ATF6: variants seen among roughly 807,000 people sequenced by gnomAD.
ATF6 encodes activating transcription factor 6.
In ATF6, 53 loss-of-function variants were observed where a neutral mutation model predicts 83.6. That is an observed-to-expected ratio of 0.63 (90% CI 0.51 to 0.80). ATF6 has a LOEUF of 0.80. ATF6 is among the 30% of genes least tolerant of loss of function. ATF6 has a pLI of 0.00. For missense variants in ATF6, 744 were observed against 797.9 expected (o/e 0.93, Z 0.81); for synonymous variants, 288 against 285.8 (o/e 1.01, Z -0.08).
chr1:161,916,216 A>G (rs1271449014), intron 15 of ATF6, among the ~76,000 whole-genome samples: 3 of 152,194 alleles, frequency 2.0e-5, no homozygotes, highest in Non-Finnish European at 4.4e-5. Context: ...TTGACCTCTC[A>G]ACAGTATTTG....
chr1:161,912,844 C>T (rs754377644), intron 15 of ATF6, among the ~76,000 whole-genome samples: 16 of 151,930 alleles, frequency 1.1e-4, no homozygotes, highest in Non-Finnish European at 2.1e-4. Flanking sequence ...ATTACTATTG[C>T]ATTTTGTTAT....
intron 15 of ATF6, among the ~76,000 whole-genome samples, chr1:161,932,510 C>A (rs935030654): frequency 1.3e-5 from 2 of 152,102 alleles, no homozygotes; most frequent in African/African-American, 4.8e-5. Context: ...GTAAACTTGC[C>A]ATTAAAATGA....
rs75201164 is a variant in ATF6, at chr1:161,847,348, G to A, written c.1319+768G>A. Among the ~76,000 whole-genome samples the A allele has an allele frequency of 1.3e-4, 20 of 152,106 alleles. No individual in the cohort carries two copies. In the East Asian group the frequency reaches 3.5e-3, roughly 26 times the overall value. ...TCTCTTTAAGGATTTGTAGGTTGAG[G>A]GCAATCTTTCTTCCTGATTTTTACT... On this transcript the variant is annotated intron_variant, in intron 10 of 15. Coordinates refer to ENST00000367942, the MANE Select transcript of ATF6 (RefSeq NM_007348.4).
chr1:161,949,766 C>T (rs556083033), intron 15 of ATF6, among the ~76,000 whole-genome samples: 19 of 152,298 alleles, frequency 1.2e-4, no homozygotes, highest in Admixed American at 2.0e-4. Context: ...AACTCGCTCA[C>T]CCCTGAGGGA....
intron 15 of ATF6, among the ~76,000 whole-genome samples, chr1:161,913,808 C>T (rs1287586594): frequency 6.6e-6 from 1 of 152,192 alleles, no homozygotes; most frequent in Non-Finnish European, 1.5e-5. Flanking sequence ...ACCAAAGGGT[C>T]AGCTTATGCT....
At position 161,853,209 on chromosome 1, in the gene ATF6, A is replaced by G. The variant is rs769748324; in HGVS notation, c.1434-15A>G. ...ATTAATTTCTATGTTTAATTAATTAAACTATATTTTATAGGTTAAATCATG... is the reference window on the plus strand; with the variant it reads ...ATTAATTTCTATGTTTAATTAATTAGACTATATTTTATAGGTTAAATCATG... On this transcript the variant is annotated splice_polypyrimidine_tract_variant and intron_variant, in intron 11 of 15. Transcript: ENST00000367942. The G allele has an allele frequency of 6.7e-7, 1 of 1,486,194 alleles. No individual in the cohort carries two copies. The highest frequency in any genetic ancestry group is 9.3e-7 in the Non-Finnish European group (1 of 1,079,718). The allele number at this position is 1,486,194 out of a possible 1,614,324, so 92.1% of individuals were successfully genotyped here. A position where few individuals can be genotyped will look rare whatever the true frequency, so the allele number is the denominator to read the frequency against.
At chr1:161,913,917 G>T (rs929555670) in intron 15 of ATF6, among the ~76,000 whole-genome samples, 5 of 152,172 alleles carry the variant, frequency 3.3e-5, no homozygotes, top group South Asian at 4.1e-4. Flanking sequence ...GTCTTATTTT[G>T]TAACAGTGAG....
At chr1:161,925,479 A>G (rs1010981659) in intron 15 of ATF6, among the ~76,000 whole-genome samples, 1 of 152,200 alleles carries the variant, frequency 6.6e-6, no homozygotes, top group African/African-American at 2.4e-5. Context: ...CTCAATAAAC[A>G]TTCAGAGAAG....
chr1:161,823,970 A>G (rs6695284), intron 9 of ATF6, among the ~76,000 whole-genome samples: 14,702 of 152,096 alleles, frequency 0.097, 1,269 homozygotes, highest in East Asian at 0.31. Context: ...ATGTGTCTGT[A>G]TGTGTATGAT....
intron 4 of ATF6, among the ~76,000 whole-genome samples, chr1:161,785,807 A>G (rs1007462303): frequency 1.3e-5 from 2 of 152,184 alleles, no homozygotes; most frequent in Non-Finnish European, 2.9e-5. Flanking sequence ...CATCCTCATC[A>G]GCAGTATGTA....
intron 9 of ATF6, among the ~76,000 whole-genome samples, chr1:161,838,168 A>G (rs1686268965): frequency 1.3e-5 from 2 of 152,226 alleles, no homozygotes; most frequent in African/African-American, 4.8e-5. Flanking sequence ...AGTATAACAG[A>G]AAAGAGAGAT....
chr1:161,914,927 C>T (rs930336057), intron 15 of ATF6, among the ~76,000 whole-genome samples: 5 of 152,098 alleles, frequency 3.3e-5, no homozygotes, highest in African/African-American at 9.7e-5. Context: ...TAGAAAGTAC[C>T]GTTCAGTGAG....
intron 6 of ATF6, among the ~76,000 whole-genome samples, chr1:161,800,372 C>A (rs1476969759): frequency 6.6e-6 from 1 of 151,994 alleles, no homozygotes; most frequent in African/African-American, 2.4e-5. Context: ...TGCATGAAAC[C>A]AAGTTTGCAT....
chr1:161,767,306 A>G (rs547643355), intron 1 of ATF6, among the ~76,000 whole-genome samples: 1 of 152,342 alleles, frequency 6.6e-6, no homozygotes, highest in East Asian at 1.9e-4. Context: ...AGCATTCTCA[A>G]TAGCAGGAGT....
At chr1:161,928,982 T>G (rs1268235759) in intron 15 of ATF6, among the ~76,000 whole-genome samples, 1 of 152,248 alleles carries the variant, frequency 6.6e-6, no homozygotes, top group Non-Finnish European at 1.5e-5. Flanking sequence ...GAGCCTCATT[T>G]GGCATATAGT....
At chr1:161,830,300 A>T (rs1200083418) in intron 9 of ATF6, among the ~76,000 whole-genome samples, 1 of 152,210 alleles carries the variant, frequency 6.6e-6, no homozygotes, top group East Asian at 1.9e-4. Flanking sequence ...ATAAAAGAGG[A>T]CACAAACAAA....
chr1:161,792,304 G>A lies in ATF6; in HGVS notation c.665G>A (p.Ser222Asn). The change falls in exon 6 of 16, where the codon AGT becomes AAT. Residue 222 changes from serine to asparagine, a missense_variant. Physicochemically the swap from Ser to Asn is conservative, Grantham distance 46. Coordinates refer to ENST00000367942, the MANE Select transcript of ATF6 (RefSeq NM_007348.4). ...MPLAKQQPII[S>N]LQPAPTKGQT... ...TTGGCAAAGCAGCAACCAATTATCA[G>A]TTTACAACCTGCACCCACTAAAGGT... is the stretch of plus-strand genomic sequence containing the variant. 6.2e-7 allele frequency: 1 copy of A among 1,613,902 alleles called. No homozygotes were observed. Among genetic ancestry groups the A allele is most frequent in the Non-Finnish European group, 8.5e-7 (1 of 1,179,994 alleles).
intron 10 of ATF6, among the ~76,000 whole-genome samples, chr1:161,846,889 G>A (rs1686498499): frequency 6.6e-6 from 1 of 151,558 alleles, no homozygotes; most frequent in South Asian, 2.1e-4. Context: ...TATCTATCAT[G>A]TGTTTATACA....
intron 14 of ATF6, among the ~76,000 whole-genome samples, chr1:161,871,794 T>C (rs994640898): frequency 6.6e-6 from 1 of 151,654 alleles, no homozygotes; most frequent in Non-Finnish European, 1.5e-5. Context: ...ATAAAGTTAA[T>C]GTAGATTTGC....
Sources: allele counts gnomAD v4.1 joint callset (sites outside exome capture counted in the v4.1 genomes callset), GRCh38; gene constraint gnomAD v4.1.1; transcripts MANE v1.5; gene names NCBI Gene and HGNC (gene_info 2026-07-23, HGNC 2026-07-21).